The following AKAP19 variants were observed in gnomAD, a reference collection of about 807,000 sequenced individuals.
AKAP19 encodes small A-kinase anchoring protein.
the AKAP19 span, among the ~76,000 whole-genome samples, chr2:189,934,439 A>G: frequency 6.6e-6 from 1 of 151,780 alleles, no homozygotes; most frequent in Non-Finnish European, 1.5e-5. Context: ...AATGATTTCT[A>G]TTTTTCTCCA....
At chr2:190,173,096 CAA>C in the AKAP19 span, among the ~76,000 whole-genome samples, 1 of 140,612 alleles carries the variant, frequency 7.1e-6, no homozygotes, top group Non-Finnish European at 1.5e-5. Context: ...GCCTCGGTGA[CAA>C]AGAGAGACTC....
the AKAP19 span, among the ~76,000 whole-genome samples, chr2:190,166,315 C>CTTTTTT: frequency 1.1e-5 from 1 of 88,968 alleles, no homozygotes; most frequent in Non-Finnish European, 2.2e-5. Flanking sequence ...AAAAAATCCA[C>CTTTTTT]TCTTTTTTTT....
chr2:189,900,486 T>C, the AKAP19 span, among the ~76,000 whole-genome samples: 1 of 152,224 alleles, frequency 6.6e-6, no homozygotes, highest in Non-Finnish European at 1.5e-5. Context: ...AATATCCAAA[T>C]AAAATATCTC....
chr2:190,188,790 C>T, the AKAP19 span, among the ~76,000 whole-genome samples: 2 of 151,976 alleles, frequency 1.3e-5, no homozygotes, highest in Non-Finnish European at 2.9e-5. Flanking sequence ...TTTTTTTTCC[C>T]TCTTGGCTCT....
the AKAP19 span, among the ~76,000 whole-genome samples, chr2:189,969,788 C>T: frequency 6.7e-6 from 1 of 149,264 alleles, no homozygotes; most frequent in Non-Finnish European, 1.5e-5. Flanking sequence ...AACATTTTGA[C>T]CTAAGTTTTA....
the AKAP19 span, among the ~76,000 whole-genome samples, chr2:190,002,787 T>C: frequency 6.6e-6 from 1 of 152,202 alleles, no homozygotes; most frequent in Admixed American, 6.5e-5. Context: ...TGCCAAACTC[T>C]TGCAGGTTTT....
the AKAP19 span, among the ~76,000 whole-genome samples, chr2:189,995,810 C>T: frequency 2.0e-5 from 3 of 151,980 alleles, no homozygotes; most frequent in Non-Finnish European, 4.4e-5. Flanking sequence ...TCTTTTAGTG[C>T]TGGCTTGGTA....
the AKAP19 span, among the ~76,000 whole-genome samples, chr2:189,898,996 G>A: frequency 1.3e-5 from 2 of 151,992 alleles, no homozygotes; most frequent in African/African-American, 4.8e-5. Context: ...CATGAACTTT[G>A]ACATGTTAAG....
chr2:190,124,750 T>C, the AKAP19 span, among the ~76,000 whole-genome samples: 10 of 152,174 alleles, frequency 6.6e-5, no homozygotes, highest in African/African-American at 2.4e-4. Context: ...TTTTTAATTT[T>C]TAAAGATTTT....
the AKAP19 span, among the ~76,000 whole-genome samples, chr2:190,197,882 G>T: frequency 6.7e-3 from 1,015 of 152,216 alleles, 12 homozygotes; most frequent in African/African-American, 0.022. This position sits in a 1 kb window ranked among gnomAD's most constrained non-coding sequence, Gnocchi z 4.0. Flanking sequence ...TCCACTCACA[G>T]CCTTTTATTT....
the AKAP19 span, among the ~76,000 whole-genome samples, chr2:190,194,982 G>A: frequency 6.6e-6 from 1 of 152,180 alleles, no homozygotes; most frequent in South Asian, 2.1e-4. Context: ...GGCTTCCTGA[G>A]TAGTTAAAAC....
the AKAP19 span, chr2:190,059,947 T>C: frequency 3.6e-6 from 4 of 1,100,198 alleles, no homozygotes; most frequent in South Asian, 1.4e-5. Context: ...TGGGGTAAGA[T>C]ACCTTTGTCT....
At chr2:190,200,309 A>C in the AKAP19 span, 4 of 652,016 alleles carry the variant, frequency 6.1e-6, no homozygotes, top group East Asian at 8.3e-5. Flanking sequence ...ATGCATTTTA[A>C]GTACTTCTAT....
the AKAP19 span, among the ~76,000 whole-genome samples, chr2:190,195,887 G>C: frequency 1.3e-5 from 2 of 148,776 alleles, no homozygotes; most frequent in African/African-American, 4.9e-5. Flanking sequence ...TTTATATTTA[G>C]GTCTATGATC....
At chr2:190,058,720 T>C in the AKAP19 span, among the ~76,000 whole-genome samples, 3 of 152,020 alleles carry the variant, frequency 2.0e-5, no homozygotes, top group East Asian at 1.9e-4. Flanking sequence ...TAGATGGAGC[T>C]GGAGGCCATT....
the AKAP19 span, among the ~76,000 whole-genome samples, chr2:189,943,221 C>G: frequency 6.6e-6 from 1 of 152,206 alleles, no homozygotes; most frequent in African/African-American, 2.4e-5. Context: ...AGGACCAGGG[C>G]TCTGCTGCTC....
the AKAP19 span, among the ~76,000 whole-genome samples, chr2:190,089,860 G>T: frequency 2.0e-5 from 3 of 152,088 alleles, no homozygotes; most frequent in Non-Finnish European, 4.4e-5. Context: ...ACTCCAGAGG[G>T]GTTCAGTCTG....
At chr2:190,060,482 A>G in the AKAP19 span, 4 of 1,537,790 alleles carry the variant, frequency 2.6e-6, no homozygotes, top group Non-Finnish European at 3.5e-6. Context: ...ATTTCCCATT[A>G]ACAAAACCCC....
the AKAP19 span, among the ~76,000 whole-genome samples, chr2:190,167,361 G>A: frequency 1.3e-5 from 2 of 152,224 alleles, no homozygotes; most frequent in East Asian, 3.9e-4. Flanking sequence ...CAACACGTGG[G>A]AATTCAAGAT....
Sources: allele counts gnomAD v4.1 joint callset (sites outside exome capture counted in the v4.1 genomes callset), GRCh38; gene constraint gnomAD v4.1.1; non-coding constraint Gnocchi (gnomAD v3.1); transcripts MANE v1.5; gene names NCBI Gene and HGNC (gene_info 2026-07-23, HGNC 2026-07-21).